The following TRRAP variants were observed in gnomAD, a reference collection of about 807,000 sequenced individuals.
TRRAP encodes transformation/transcription domain associated protein, also known as transformation/transcription domain-associated protein.
A neutral mutation model predicts 438.8 loss-of-function variants in TRRAP; 41 were observed. The ratio of observed to expected loss-of-function variants is 0.09; its 90% confidence interval spans 0.07 to 0.12. The LOEUF (loss-of-function observed/expected upper bound fraction) is 0.12, where lower values mean the gene tolerates loss of function less well. Ranked by LOEUF, TRRAP falls within the 10% of genes least tolerant of loss-of-function variation. The pLI, the probability that TRRAP is intolerant of heterozygous loss-of-function variation, is 1.00. For missense variants in TRRAP, 3,122 were observed against 5,055.1 expected, an observed-to-expected ratio of 0.62 and a Z score of 11.60; for synonymous variants, 1,994 against 1,962.9, an observed-to-expected ratio of 1.02 and a Z score of -0.42.
At chr7:98,928,926 A>G (rs1584323400) in intron 23 of TRRAP, among the ~76,000 whole-genome samples, 1 of 143,756 alleles carries the variant, frequency 7.0e-6, no homozygotes, top group African/African-American at 2.6e-5. Flanking sequence ...GGCATGTAAC[A>G]CCACGCCCGG....
At chr7:98,905,663 A>G (rs551789212) in intron 12 of TRRAP, among the ~76,000 whole-genome samples, 1 of 152,344 alleles carries the variant, frequency 6.6e-6, no homozygotes, top group South Asian at 2.1e-4. Flanking sequence ...TCTGATGAGC[A>G]TCATCCAGGG....
intron 3 of TRRAP, among the ~76,000 whole-genome samples, chr7:98,882,364 T>C (rs1554403244): frequency 1.5e-5 from 2 of 136,198 alleles, no homozygotes; most frequent in African/African-American, 2.7e-5. Flanking sequence ...CTTTTCTTTC[T>C]TTTTTTTTTT....
chr7:98,883,131 G>A (rs575923541), intron 3 of TRRAP, among the ~76,000 whole-genome samples: 1 of 152,318 alleles, frequency 6.6e-6, no homozygotes, highest in South Asian at 2.1e-4. Flanking sequence ...ATTGTATATT[G>A]TCCTGCATGT....
At position 98,902,015 on chromosome 7, in the gene TRRAP, A is replaced by G. The variant is rs1463979802; in HGVS notation, c.897+1295A>G. On this transcript the variant is annotated intron_variant, in intron 11 of 72. Transcript: ENST00000456197. Reference sequence around the variant, plus strand: ...GTCCCATCAGCAGCCTTCCTTGACTATGTGCTCTTGGCAACCACGATTGTA... The same window carrying G: ...GTCCCATCAGCAGCCTTCCTTGACTGTGTGCTCTTGGCAACCACGATTGTA... 3.3e-5 allele frequency among the ~76,000 whole-genome samples: 5 copies of G among 152,308 alleles called. No individual in the cohort carries two copies. In the East Asian group the frequency reaches 5.8e-4, roughly 18 times the overall value.
At chr7:98,893,599 T>C (rs1238817940) in intron 5 of TRRAP, among the ~76,000 whole-genome samples, 199 bp from the exon 6 acceptor site, 3 of 152,226 alleles carry the variant, frequency 2.0e-5, no homozygotes, top group Admixed American at 6.5e-5. Context: ...AGGTTACTCA[T>C]GCAGAGCTGG....
At position 98,961,275 on chromosome 7, in the gene TRRAP, A is replaced by G. The variant is rs1461632580; in HGVS notation, c.6504A>G (p.Gln2168=). 2 of 1,614,152 alleles carry G rather than the reference A, an allele frequency of 1.2e-6. No homozygotes were observed. The highest frequency in any genetic ancestry group is 4.5e-5 in the East Asian group (2 of 44,878). ...KLLMTVEQPN[Q]VNYGNICTGL... Reference sequence around the variant, plus strand: ...GTCCATTGCAGGAGCAGCCAAACCAAGTGAACTATGGGAATATCTGCACGG... The same window carrying G: ...GTCCATTGCAGGAGCAGCCAAACCAGGTGAACTATGGGAATATCTGCACGG... The change falls in exon 46 of 73, where the codon CAA becomes CAG. Residue 2168 remains glutamine, a synonymous_variant. Coordinates refer to ENST00000456197, the MANE Select transcript of TRRAP (RefSeq NM_001375524.1).
chr7:98,888,627 C>T (rs782738750), intron 3 of TRRAP, among the ~76,000 whole-genome samples: 4 of 152,230 alleles, frequency 2.6e-5, no homozygotes, highest in Non-Finnish European at 5.9e-5. Context: ...CTCGTGCTTT[C>T]TCTTGATTTT....
chr7:98,915,928 T>A, intron 19 of TRRAP, 40 bp downstream of exon 19: 1 of 1,610,002 alleles, frequency 6.2e-7, no homozygotes, highest in Non-Finnish European at 8.5e-7. Flanking sequence ...GTCTTGTGTG[T>A]CATGTAGTCA....
chr7:98,915,590 G>GT (rs1372368092), intron 18 of TRRAP, 133 bp from the exon 19 acceptor site: 14 of 1,120,012 alleles, frequency 1.2e-5, no homozygotes, highest in South Asian at 3.6e-5. Context: ...TGCTTGTTTG[G>GT]TTTTTTCCCT....
chr7:98,935,964 T>C (rs1016121802), intron 28 of TRRAP, among the ~76,000 whole-genome samples: 3 of 152,244 alleles, frequency 2.0e-5, no homozygotes, highest in Non-Finnish European at 4.4e-5. Context: ...ATCATTCATA[T>C]GGTGCCAGAA....
intron 3 of TRRAP, 70 bp downstream of exon 3, chr7:98,882,094 G>A: frequency 2.9e-6 from 4 of 1,360,100 alleles, no homozygotes; most frequent in Middle Eastern, 2.1e-4. Context: ...GTCCTGCTTT[G>A]TCAGTCTTTT....
intron 67 of TRRAP, among the ~76,000 whole-genome samples, chr7:99,003,088 C>T (rs889025039): frequency 6.6e-6 from 1 of 152,198 alleles, no homozygotes; most frequent in African/African-American, 2.4e-5. Flanking sequence ...GGGACGGTGC[C>T]TCCTCGTGGC....
In TRRAP at chr7:98,951,017, T is replaced by C; in HGVS notation, c.5463+13T>C. The C allele has an allele frequency of 6.4e-7, 1 of 1,573,622 alleles. No homozygotes were observed. The highest frequency in any genetic ancestry group is 8.6e-7 in the Non-Finnish European group (1 of 1,163,200). ...GTTTATTACCAAGGTGGTATCACTA[T>C]GTGTGTGGGTGTGAGAAGTAGCCTG... On this transcript the variant is annotated intron_variant, in intron 39 of 72. Coordinates refer to ENST00000456197, the MANE Select transcript of TRRAP (RefSeq NM_001375524.1).
chr7:98,916,906 C>T (rs535649851), intron 19 of TRRAP, among the ~76,000 whole-genome samples: 52 of 152,252 alleles, frequency 3.4e-4, no homozygotes, highest in Middle Eastern at 3.4e-3. Flanking sequence ...CCGTGCAGGA[C>T]GTGCCTTTTC....
chr7:98,958,142 T>G, intron 44 of TRRAP, 51 bp downstream of exon 44: 4 of 1,499,344 alleles, frequency 2.7e-6, no homozygotes, highest in Non-Finnish European at 3.7e-6. Context: ...CAGAGGCTAC[T>G]GACTAACACC....
chr7:98,890,258 AG>A lies in TRRAP; in HGVS notation c.151-76del, dbSNP rs1795906484. On this transcript the variant is annotated intron_variant, in intron 3 of 72. Transcript: ENST00000456197. ...GCTAAAATGTTTTATATTCCTTTGCAGTTATTATAATGTGTAAATTTGAAAT... is the reference window on the plus strand; with the variant it reads ...GCTAAAATGTTTTATATTCCTTTGCATTATTATAATGTGTAAATTTGAAAT... The A allele has an allele frequency of 6.6e-6, 6 of 910,166 alleles. No homozygotes were observed. The South Asian group carries it at 1.5e-4, about 23-fold the overall frequency. 56.4% of individuals were successfully genotyped at this position (910,166 alleles called of 1,614,324 possible).
chr7:98,880,577 T>C (rs560465201), intron 1 of TRRAP, among the ~76,000 whole-genome samples: 1 of 152,294 alleles, frequency 6.6e-6, no homozygotes, highest in South Asian at 2.1e-4. Flanking sequence ...CATGATTTTA[T>C]ACCGCCCATG....
Position 98,994,937 on chromosome 7 carries a change from G to T in TRRAP, c.10309+89G>T, listed in dbSNP as rs1462235755. On this transcript the variant is annotated intron_variant, in intron 67 of 72. Coordinates refer to ENST00000456197, the MANE Select transcript of TRRAP (RefSeq NM_001375524.1). The surrounding 1 kb of genome is among the most constrained non-coding windows in gnomAD (Gnocchi z 4.8). The stretch of plus-strand genomic sequence containing the variant: ...AGTGTTGAAGCTGATTGGATCCTTG[G>T]TTTTCTGATCACTGCACGGGGCACA... 1 of 1,543,538 alleles carries T rather than the reference G, an allele frequency of 6.5e-7. No individual in the cohort carries two copies. The highest frequency in any genetic ancestry group is 8.8e-7 in the Non-Finnish European group (1 of 1,142,486).
At chr7:98,891,214 T>A (rs1389315876) in intron 4 of TRRAP, among the ~76,000 whole-genome samples, 77 of 142,024 alleles carry the variant, frequency 5.4e-4, no homozygotes, top group Middle Eastern at 3.7e-3. Context: ...TTTTTTTTTT[T>A]TTTTTTTTTT....
Sources: allele counts gnomAD v4.1 joint callset (sites outside exome capture counted in the v4.1 genomes callset), GRCh38; gene constraint gnomAD v4.1.1; non-coding constraint Gnocchi (gnomAD v3.1); transcripts MANE v1.5; gene names NCBI Gene and HGNC (gene_info 2026-07-23, HGNC 2026-07-21).